Variants in TMEM98 observed in about 807,000 individuals in gnomAD.
The protein encoded by TMEM98 is transmembrane protein 98.
A neutral mutation model predicts 25.0 loss-of-function variants in TMEM98; 18 were observed. The ratio of observed to expected loss-of-function variants is 0.72; its 90% CI spans 0.50 to 1.07. The LOEUF is 1.07. Among genes scored for constraint, TMEM98 ranks in the 50% least tolerant of loss-of-function variants. The pLI is 0.00. For missense variants in TMEM98, 241 were observed against 289.0 expected (o/e 0.83, Z 1.20); for synonymous variants, 103 against 112.4 (o/e 0.92, Z 0.53).
At position 32,933,254 on chromosome 17, in the gene TMEM98, A is replaced by T; in HGVS notation, c.212A>T (p.Asn71Ile). The change falls in exon 4 of 8, where the codon AAC (asparagine) becomes ATC (isoleucine). Residue 71 changes from asparagine to isoleucine, a missense_variant. Physicochemically the swap from Asn to Ile is moderately radical, Grantham distance 149. Transcript: ENST00000579849. ...ELELDDVVITNPHIEAILENE... is the reference protein window; with the variant it reads ...ELELDDVVITIPHIEAILENE... ...GAACTGGACGATGTCGTTATCACCA[A>T]CCCCCACATTGAGGCCATTCTGGAG... is the stretch of plus-strand genomic sequence containing the variant. 6.2e-7 allele frequency: 1 copy of T among 1,613,990 alleles called. No homozygotes were observed. The highest frequency in any genetic ancestry group is 8.5e-7 in the Non-Finnish European group (1 of 1,179,998).
Position 32,942,935 on chromosome 17 carries a change from C to A in TMEM98, c.*1942C>A, listed in dbSNP as rs1048780422. The A allele has an allele frequency of 1.3e-5, 2 of 152,216 alleles. No homozygotes were observed. Among genetic ancestry groups the A allele is most frequent in the Non-Finnish European group, 2.9e-5 (2 of 68,044 alleles). 9.4% of individuals were successfully genotyped at this position (152,216 alleles called of 1,614,324 possible). A position where few individuals can be genotyped will look rare whatever the true frequency, so the allele number is the denominator to read the frequency against. On this transcript the variant is annotated 3_prime_UTR_variant, in exon 8 of 8. Coordinates refer to ENST00000579849, the MANE Select transcript of TMEM98 (RefSeq NM_015544.3). Reference sequence around the variant, plus strand: ...CAATGGCTGCCACAGTTGTAAGTGTCCCCTGCATTTTAACCTGCACTAGAG... The same window carrying A: ...CAATGGCTGCCACAGTTGTAAGTGTACCCTGCATTTTAACCTGCACTAGAG...
chr17:32,934,223 AAGGGTGGGAGCTGG>A, intron 4 of TMEM98, 54 bp from the exon 5 acceptor site: 1 of 1,585,954 alleles, frequency 6.3e-7, no homozygotes, highest in Non-Finnish European at 8.7e-7. Flanking sequence ...GTTGAGAAGC[AAGGGTGGGAGCTGG>A]AGGGTGGTGG....
At chr17:32,930,621 A>C (rs962204729) in intron 1 of TMEM98, among the ~76,000 whole-genome samples, 7 of 152,226 alleles carry the variant, frequency 4.6e-5, no homozygotes, top group Admixed American at 2.0e-4. Flanking sequence ...AAGTAGAGTG[A>C]ATGTCCATCT....
At chr17:32,939,594 A>T in intron 7 of TMEM98, 58 bp downstream of exon 7, 2 of 1,603,066 alleles carry the variant, frequency 1.2e-6, no homozygotes, top group Non-Finnish European at 1.7e-6. Context: ...CAACCGTTTT[A>T]TCAGATCTGT....
chr17:32,932,837 A>G (rs1045476045), intron 3 of TMEM98, among the ~76,000 whole-genome samples: 1 of 152,260 alleles, frequency 6.6e-6, no homozygotes, highest in Non-Finnish European at 1.5e-5. Flanking sequence ...GGGAAAATAC[A>G]TTATAGAAGG....
chr17:32,936,210 G>A, intron 5 of TMEM98, 122 bp from the exon 6 acceptor site: 1 of 716,934 alleles, frequency 1.4e-6, no homozygotes. Flanking sequence ...TTTCACATCT[G>A]GCCATTAGGT....
chr17:32,934,260 G>A (rs756547155), intron 4 of TMEM98, 31 bp from the exon 5 acceptor site: 3 of 1,613,806 alleles, frequency 1.9e-6, no homozygotes, highest in East Asian at 2.2e-5. Context: ...CCCTCCAGAT[G>A]AGCACTGATG....
chr17:32,933,377 G>C, intron 4 of TMEM98, 72 bp downstream of exon 4: 1 of 1,591,768 alleles, frequency 6.3e-7, no homozygotes, highest in Non-Finnish European at 8.6e-7. Flanking sequence ...CTTTGCCAGA[G>C]CACTTAGCTG....
intron 1 of TMEM98, among the ~76,000 whole-genome samples, chr17:32,929,531 A>T (rs969062395): frequency 6.6e-6 from 1 of 152,142 alleles, no homozygotes; most frequent in Non-Finnish European, 1.5e-5. Context: ...GGCCAAAAGG[A>T]GGTGGTTAAA....
chr17:32,929,867 C>G (rs2091457085), intron 1 of TMEM98, among the ~76,000 whole-genome samples: 2 of 152,152 alleles, frequency 1.3e-5, no homozygotes, highest in Admixed American at 1.3e-4. Flanking sequence ...CAGTTACTCT[C>G]TTTTCTGTGT....
chr17:32,930,305 C>G (rs939692382), intron 1 of TMEM98, among the ~76,000 whole-genome samples: 1 of 152,200 alleles, frequency 6.6e-6, no homozygotes, highest in African/African-American at 2.4e-5. Context: ...TTCTTCAGTT[C>G]CTCTCTCCAG....
In TMEM98 at chr17:32,941,039, C is replaced by A; in HGVS notation, c.*46C>A. ...GCCATGAAGGCCCCTGCCGCCATCC[C>A]TGGATGGCTCAGCTTAGCCTTCTAC... On this transcript the variant is annotated 3_prime_UTR_variant, in exon 8 of 8. Coordinates refer to ENST00000579849, the MANE Select transcript of TMEM98 (RefSeq NM_015544.3). 2 of 1,495,750 alleles carry A rather than the reference C, an allele frequency of 1.3e-6. No homozygotes were observed. Among genetic ancestry groups the A allele is most frequent in the South Asian group, 1.2e-5 (1 of 81,330 alleles). 92.7% of individuals were successfully genotyped at this position (1,495,750 alleles called of 1,614,324 possible).
At chr17:32,934,587 C>T (rs2091486581) in intron 5 of TMEM98, among the ~76,000 whole-genome samples, 1 of 152,166 alleles carries the variant, frequency 6.6e-6, no homozygotes, top group Non-Finnish European at 1.5e-5. Flanking sequence ...GGTACACAGC[C>T]ACCATTTCAC....
chr17:32,940,646 T>C, intron 7 of TMEM98, 140 bp from the exon 8 acceptor site: 1 of 834,596 alleles, frequency 1.2e-6, no homozygotes, highest in African/African-American at 1.7e-5. Flanking sequence ...TGGAGCCAAC[T>C]TTAAATTGCA....
At chr17:32,928,506 G>T (rs2091445199) in intron 1 of TMEM98, among the ~76,000 whole-genome samples, 1 of 151,746 alleles carries the variant, frequency 6.6e-6, no homozygotes. Flanking sequence ...CGGGGAAGCG[G>T]GTAGGGTCTT....
chr17:32,934,474 C>T (rs2091485663), intron 5 of TMEM98, 150 bp downstream of exon 5: 8 of 743,534 alleles, frequency 1.1e-5, no homozygotes, highest in Non-Finnish European at 1.8e-5. Flanking sequence ...TGGTTTACTT[C>T]CCCCCCTGCC....
intron 6 of TMEM98, among the ~76,000 whole-genome samples, chr17:32,938,676 T>C (rs894288322): frequency 2.0e-5 from 3 of 152,188 alleles, no homozygotes; most frequent in Non-Finnish European, 4.4e-5. Context: ...TTTTTTTTCC[T>C]GAATACAAGA....
chr17:32,935,190 T>C (rs756617266), intron 5 of TMEM98, among the ~76,000 whole-genome samples: 1 of 152,222 alleles, frequency 6.6e-6, no homozygotes, highest in African/African-American at 2.4e-5. Context: ...AGGGGATGGA[T>C]AAATGCCTAG....
In TMEM98 at chr17:32,940,917, A is replaced by G; in HGVS notation, c.605A>G (p.Glu202Gly). ...GAGGAGCATTTGGAAGTCCTTCGAG[A>G]AGCAGCCCTAGCTTCTGAGCCAGAT... is the stretch of plus-strand genomic sequence containing the variant. Reference protein sequence around the residue: ...AAEEHLEVLREAALASEPDKG... With the variant: ...AAEEHLEVLRGAALASEPDKG... The change falls in exon 8 of 8, where the codon GAA becomes GGA. Residue 202 changes from glutamate to glycine, a missense_variant. Glu to Gly is a moderately conservative substitution (Grantham distance 98, BLOSUM62 -2). Coordinates refer to ENST00000579849, the MANE Select transcript of TMEM98 (RefSeq NM_015544.3). The G allele has an allele frequency of 6.2e-7, 1 of 1,614,130 alleles. No homozygotes were observed. Among genetic ancestry groups the G allele is most frequent in the Non-Finnish European group, 8.5e-7 (1 of 1,180,024 alleles).
Sources: allele counts gnomAD v4.1 joint callset (sites outside exome capture counted in the v4.1 genomes callset), GRCh38; gene constraint gnomAD v4.1.1; transcripts MANE v1.5; gene names NCBI Gene and HGNC (gene_info 2026-07-23, HGNC 2026-07-21).